Variants in PRMT7 observed in about 807,000 individuals in gnomAD.
The protein encoded by PRMT7 is protein arginine methyltransferase 7.
Under a neutral mutation model 85.4 loss-of-function variants are expected in PRMT7, and 75 were observed. The ratio of observed to expected loss-of-function variants is 0.88; its 90% CI spans 0.73 to 1.06. The LOEUF (loss-of-function observed/expected upper bound fraction) is 1.06. PRMT7 is among the 50% of genes least tolerant of loss of function. The pLI is 0.00. For missense variants in PRMT7, 868 were observed against 915.2 expected, an observed-to-expected ratio of 0.95 and a Z score of 0.67; for synonymous variants, 397 against 359.5, an observed-to-expected ratio of 1.10 and a Z score of -1.18.
Position 68,337,561 on chromosome 16 carries a change from A to G in PRMT7, c.494A>G (p.His165Arg). Residue 165 changes from histidine to arginine, a missense_variant, in exon 7 of 19, where the codon CAT becomes CGT. By Grantham distance (29) the His-to-Arg change is conservative. Coordinates refer to ENST00000441236, the MANE Select transcript of PRMT7 (RefSeq NM_019023.5). ...CCCTCCTATGAGCACGCACACAGGC[A>G]TCTCGTGGAGGTAGTAGACGGAGGG... ...ALPSYEHAHR[H>R]LVEENCEAVP... 1 of 1,605,566 alleles carries G rather than the reference A, an allele frequency of 6.2e-7. No homozygotes were observed.
chr16:68,355,664 G>C, intron 16 of PRMT7, 59 bp from the exon 17 acceptor site: 1 of 1,428,444 alleles, frequency 7.0e-7, no homozygotes, highest in East Asian at 2.7e-5. Flanking sequence ...CCGGGGAGCG[G>C]TACCTCTGTC....
intron 2 of PRMT7, 51 bp downstream of exon 2, chr16:68,312,227 A>ATTTTTT (rs778218819): frequency 2.3e-4 from 20 of 88,280 alleles, no homozygotes; most frequent in African/African-American, 8.7e-4. Flanking sequence ...ATATATATAT[A>ATTTTTT]TATTTTTTTT....
At chr16:68,322,024 T>C (rs766138035) in intron 4 of PRMT7, among the ~76,000 whole-genome samples, 2 of 151,806 alleles carry the variant, frequency 1.3e-5, no homozygotes, top group African/African-American at 2.4e-5. Context: ...CTCGGCTCAC[T>C]GCAGCCTCAG....
At chr16:68,312,229 A>ATATATTTTT (rs1419393129) in intron 2 of PRMT7, 53 bp downstream of exon 2, 37 of 112,680 alleles carry the variant, frequency 3.3e-4, no homozygotes, top group African/African-American at 1.4e-3. Flanking sequence ...ATATATATAT[A>ATATATTTTT]TTTTTTTTTT....
chr16:68,344,825 T>G (rs1334939076), intron 9 of PRMT7, among the ~76,000 whole-genome samples: 1 of 151,922 alleles, frequency 6.6e-6, no homozygotes, highest in African/African-American at 2.4e-5. Flanking sequence ...ATCCACAGAA[T>G]AAGTGAAAAT....
intron 3 of PRMT7, among the ~76,000 whole-genome samples, chr16:68,320,500 G>A (rs1003428537): frequency 2.6e-5 from 4 of 152,204 alleles, no homozygotes; most frequent in Non-Finnish European, 4.4e-5. Flanking sequence ...ATGTCCTTAA[G>A]GCACAGATCA....
At chr16:68,349,611 A>T (rs918559324) in intron 14 of PRMT7, among the ~76,000 whole-genome samples, 5 of 152,170 alleles carry the variant, frequency 3.3e-5, no homozygotes, top group Admixed American at 2.0e-4. Flanking sequence ...GAACATTTCC[A>T]GGCCCGACAT....
In PRMT7 at chr16:68,324,830, G is replaced by A. The variant is rs749656743; in HGVS notation, c.280G>A (p.Glu94Lys). 11 of 1,613,888 alleles carry A rather than the reference G, an allele frequency of 6.8e-6. No individual in the cohort carries two copies. The South Asian group carries it at 8.8e-5, about 13-fold the overall frequency. ...AGGTGCCGACTTCTGCTATGCCATCGAGGTAAGCCATTCCCTTCAGGTGTG... is the reference window on the plus strand; with the variant it reads ...AGGTGCCGACTTCTGCTATGCCATCAAGGTAAGCCATTCCCTTCAGGTGTG... Reference protein sequence around the residue: ...TAGADFCYAIEVFKPMADAAV... With the variant: ...TAGADFCYAIKVFKPMADAAV... Residue 94 changes from glutamate (E) to lysine (K), a missense_variant and splice_region_variant, in exon 5 of 19, where the codon GAG becomes AAG. Physicochemically the swap from Glu to Lys is moderately conservative, Grantham distance 56. Coordinates refer to ENST00000441236, the MANE Select transcript of PRMT7 (RefSeq NM_019023.5).
chr16:68,312,207 A>ATATT (rs1327791425), intron 2 of PRMT7, 31 bp downstream of exon 2: 1 of 116,928 alleles, frequency 8.6e-6, no homozygotes, highest in Non-Finnish European at 1.7e-5. Flanking sequence ...ATGTATATTT[A>ATATT]TATATATATA....
At chr16:68,346,305 T>C in intron 11 of PRMT7, 25 bp downstream of exon 11, 1 of 1,611,548 alleles carries the variant, frequency 6.2e-7, no homozygotes, top group Non-Finnish European at 8.5e-7. Context: ...CCTTGGCTTG[T>C]TGTGGGGAAA....
chr16:68,330,846 C>T (rs905367915), intron 6 of PRMT7, among the ~76,000 whole-genome samples: 2 of 152,106 alleles, frequency 1.3e-5, no homozygotes, highest in South Asian at 2.1e-4. Flanking sequence ...CAGCCTGCCT[C>T]GGCCTCCGAA....
In PRMT7 at chr16:68,357,227, A is replaced by G; in HGVS notation, c.*3A>G. The G allele has an allele frequency of 1.2e-6, 2 of 1,605,352 alleles. No individual in the cohort carries two copies. Among genetic ancestry groups the G allele is most frequent in the Non-Finnish European group, 1.7e-6 (2 of 1,175,574 alleles). ...GGCATGCAGATACCCCAGACTGACC[A>G]CTCTTGAGCAATAAAGTGGCCTGAG... On this transcript the variant is annotated 3_prime_UTR_variant, in exon 19 of 19. Coordinates refer to ENST00000441236, the MANE Select transcript of PRMT7 (RefSeq NM_019023.5).
chr16:68,347,467 C>T (rs2086593620), intron 12 of PRMT7, among the ~76,000 whole-genome samples, 164 bp from the exon 13 acceptor site: 1 of 152,158 alleles, frequency 6.6e-6, no homozygotes, highest in Non-Finnish European at 1.5e-5. Flanking sequence ...AGGCAGGCGT[C>T]AGGCCTCAGA....
intron 9 of PRMT7, among the ~76,000 whole-genome samples, chr16:68,341,987 G>A (rs1457127862): frequency 6.6e-6 from 1 of 151,946 alleles, no homozygotes; most frequent in Non-Finnish European, 1.5e-5. Context: ...ATCATTTAAA[G>A]TATTAACCAG....
In PRMT7 at chr16:68,347,286, G is replaced by A. The variant is rs752201536; in HGVS notation, c.1267G>A (p.Val423Met). Reference protein sequence around the residue: ...LLSVLAHHLGVEQVFTVESSA... With the variant: ...LLSVLAHHLGMEQVFTVESSA... ...CTCCGTGCTGGCCCATCACCTGGGG[G>A]TGGAGCAGGTACTGACATGCACCCT... Residue 423 changes from valine (V) to methionine (M), a missense_variant, in exon 12 of 19, where the codon GTG becomes ATG. Transcript: ENST00000441236. 5 of 1,545,916 alleles carry A rather than the reference G, an allele frequency of 3.2e-6. No homozygotes were observed. Among genetic ancestry groups the A allele is most frequent in the Admixed American group, 4.0e-5 (2 of 50,536 alleles).
chr16:68,339,887 G>A lies in PRMT7; in HGVS notation c.846G>A (p.Trp282Ter), dbSNP rs1020911811. 6.2e-7 allele frequency: 1 copy of A among 1,614,058 alleles called. No individual in the cohort carries two copies. The highest frequency in any genetic ancestry group is 1.3e-5 in the African/African-American group (1 of 74,910). ...SGRAQVVLSW[W>*]DIEMDPEGKI... ...GAGCTCAGGTGGTTCTCTCGTGGTGGGACATTGAAATGGACCCTGAGGGGA... is the reference window on the plus strand; with the variant it reads ...GAGCTCAGGTGGTTCTCTCGTGGTGAGACATTGAAATGGACCCTGAGGGGA... Residue 282 changes from tryptophan (W) to a stop codon, truncating the protein, a stop_gained, in exon 9 of 19, where the codon TGG becomes TGA. Coordinates refer to ENST00000441236, the MANE Select transcript of PRMT7 (RefSeq NM_019023.5). LOFTEE classifies it high-confidence loss of function.
intron 9 of PRMT7, 96 bp from the exon 10 acceptor site, chr16:68,345,579 T>C: frequency 6.5e-7 from 1 of 1,541,794 alleles, no homozygotes; most frequent in Non-Finnish European, 8.8e-7. Context: ...ATTGTGGACG[T>C]CCTGAAAACT....
chr16:68,340,817 A>G (rs376673762), intron 9 of PRMT7, among the ~76,000 whole-genome samples: 165 of 152,326 alleles, frequency 1.1e-3, no homozygotes, highest in African/African-American at 3.9e-3. Context: ...TTTAGTAGAA[A>G]AAGGCCAACC....
At chr16:68,337,226 C>T (rs1372798383) in intron 6 of PRMT7, among the ~76,000 whole-genome samples, 1 of 150,112 alleles carries the variant, frequency 6.7e-6, no homozygotes, top group Non-Finnish European at 1.5e-5. Flanking sequence ...ACTTATGATC[C>T]CTTACCCTAG....
Sources: allele counts gnomAD v4.1 joint callset (sites outside exome capture counted in the v4.1 genomes callset), GRCh38; gene constraint gnomAD v4.1.1; transcripts MANE v1.5; gene names NCBI Gene and HGNC (gene_info 2026-07-23, HGNC 2026-07-21).